FHAD1: variants seen among roughly 807,000 people sequenced by gnomAD.
The protein encoded by FHAD1 is forkhead associated phosphopeptide binding domain 1, also known as forkhead-associated domain-containing protein 1.
In FHAD1, 146 loss-of-function variants were observed where a neutral mutation model predicts 191.3. That is an observed-to-expected ratio of 0.76 (90% CI 0.67 to 0.88). The LOEUF (loss-of-function observed/expected upper bound fraction) is 0.88, where lower values mean the gene tolerates loss of function less well. Among genes scored for constraint, FHAD1 ranks in the 40% least tolerant of loss-of-function variants. FHAD1 has a pLI of 0.00. For synonymous variants in FHAD1, 616 were observed against 672.3 expected (o/e 0.92, Z 1.29); for missense variants, 1,635 against 1,785.8 (o/e 0.92, Z 1.52).
At chr1:15,299,912 C>T (rs1360563687) in intron 5 of FHAD1, among the ~76,000 whole-genome samples, 1 of 152,174 alleles carries the variant, frequency 6.6e-6, no homozygotes, top group African/African-American at 2.4e-5. Context: ...AATGACAGAC[C>T]CTGGTCAGCA....
chr1:15,333,149 A>G lies in FHAD1; in HGVS notation c.1906+3608A>G, dbSNP rs368635564. On this transcript the variant is annotated intron_variant, in intron 14 of 33. Coordinates refer to ENST00000688493, the MANE Select transcript of FHAD1 (RefSeq NM_001391957.1). Reference sequence around the variant, plus strand: ...AGGGCCCATCTTTTGTCCACTCAGCAGAAGAGGAAGTTGATGGTAAAAGGC... The same window carrying G: ...AGGGCCCATCTTTTGTCCACTCAGCGGAAGAGGAAGTTGATGGTAAAAGGC... Among the ~76,000 whole-genome samples the G allele has an allele frequency of 3.1e-4, 47 of 152,354 alleles. No individual in the cohort carries two copies. In the South Asian group the frequency reaches 9.3e-3, roughly 30 times the overall value.
chr1:15,292,881 GGAGTTC>G (rs1665377765), intron 4 of FHAD1, among the ~76,000 whole-genome samples: 2 of 152,114 alleles, frequency 1.3e-5, no homozygotes, highest in Non-Finnish European at 2.9e-5. Flanking sequence ...CTTGAAGATA[GGAGTTC>G]AAGACCAGCT....
At chr1:15,374,861 T>TG (rs1199318212) in intron 27 of FHAD1, among the ~76,000 whole-genome samples, 1 of 102,086 alleles carries the variant, frequency 9.8e-6, no homozygotes, top group Non-Finnish European at 1.9e-5. Context: ...TTTTTTTTTG[T>TG]TTGTTTTTTT....
chr1:15,353,732 GAAAAA>G (rs60543047), intron 20 of FHAD1, among the ~76,000 whole-genome samples: 1 of 116,710 alleles, frequency 8.6e-6, no homozygotes, highest in African/African-American at 3.2e-5. Flanking sequence ...AAAAAGAAAA[GAAAAA>G]AAAAAAAAGA....
rs947828558 is a variant in FHAD1, at chr1:15,329,688, A to C, written c.1906+147A>C. The C allele has an allele frequency of 1.7e-6, 1 of 599,864 alleles. No individual in the cohort carries two copies. Among genetic ancestry groups the C allele is most frequent in the Non-Finnish European group, 2.8e-6 (1 of 357,538 alleles). The allele number at this position is 599,864 out of a possible 1,614,324, so 37.2% of individuals were successfully genotyped here. ...CCAGAACCCCCTGCTTCTCTGCTTG[A>C]GGCGTAATTTTCCATTAAAAAAAAA... On this transcript the variant is annotated intron_variant, in intron 14 of 33. Coordinates refer to ENST00000688493, the MANE Select transcript of FHAD1 (RefSeq NM_001391957.1). This position sits in a 1 kb window ranked among gnomAD's most constrained non-coding sequence, Gnocchi z 5.0.
Position 15,327,032 on chromosome 1 carries a change from G to T in FHAD1, c.1474-27G>T. 1 of 1,503,372 alleles carries T rather than the reference G, an allele frequency of 6.7e-7. No individual in the cohort carries two copies. Among genetic ancestry groups the T allele is most frequent in the Non-Finnish European group, 9.1e-7 (1 of 1,103,656 alleles). 93.1% of individuals were successfully genotyped at this position (1,503,372 alleles called of 1,614,324 possible). A position where few individuals can be genotyped will look rare whatever the true frequency, so the allele number is the denominator to read the frequency against. On this transcript the variant is annotated intron_variant, in intron 11 of 33. Transcript: ENST00000688493. This position sits in a 1 kb window ranked among gnomAD's most constrained non-coding sequence, Gnocchi z 5.1. ...ACTTGCCGGCCCCTGCTGACCCCCTGACACTGTTGCCCCCTCTCTGCTGCA... is the reference window on the plus strand; with the variant it reads ...ACTTGCCGGCCCCTGCTGACCCCCTTACACTGTTGCCCCCTCTCTGCTGCA...
intron 1 of FHAD1, among the ~76,000 whole-genome samples, chr1:15,241,264 T>C (rs1414686358): frequency 9.2e-5 from 14 of 152,196 alleles, no homozygotes; most frequent in Admixed American, 9.2e-4. Context: ...ATGCTTGACT[T>C]TGGGAGATGA....
In FHAD1 at chr1:15,373,324, C is replaced by T. The variant is rs182469279; in HGVS notation, c.3448-1178C>T. 4.2e-3 allele frequency among the ~76,000 whole-genome samples: 607 copies of T among 143,814 alleles called. 9 individuals are homozygous for T. The highest frequency in any genetic ancestry group is 0.018 in the Middle Eastern group (5 of 280). 94.3% of individuals were successfully genotyped at this position (143,814 alleles called of 152,430 possible). On this transcript the variant is annotated intron_variant, in intron 26 of 33. Transcript: ENST00000688493. Reference sequence around the variant, plus strand: ...AGGAGTTCGAGACCAGCCTGGCCAACGTGGTGAAACCCCGTCTCTACCAAC... The same window carrying T: ...AGGAGTTCGAGACCAGCCTGGCCAATGTGGTGAAACCCCGTCTCTACCAAC...
In FHAD1 at chr1:15,358,273, A is replaced by G. The variant is rs1434027387; in HGVS notation, c.2726A>G (p.Lys909Arg). Reference sequence around the variant, plus strand: ...ACATTAGCCGAACTGGAAACTACCAAGACAAAAATGGTAAGTCGGTGCCTT... The same window carrying G: ...ACATTAGCCGAACTGGAAACTACCAGGACAAAAATGGTAAGTCGGTGCCTT... ...NETLAELETT[K>R]TKMIMVEERL... Residue 909 changes from lysine to arginine, a missense_variant, in exon 21 of 34, where the codon AAG becomes AGG. Coordinates refer to ENST00000688493, the MANE Select transcript of FHAD1 (RefSeq NM_001391957.1). The G allele has an allele frequency of 6.5e-7, 1 of 1,528,868 alleles. No individual in the cohort carries two copies. The highest frequency in any genetic ancestry group is 8.8e-7 in the Non-Finnish European group (1 of 1,141,998). 94.7% of individuals were successfully genotyped at this position (1,528,868 alleles called of 1,614,324 possible).
chr1:15,314,944 T>G (rs1574264928), intron 8 of FHAD1: 2 of 151,154 alleles, frequency 1.3e-5, no homozygotes, highest in Admixed American at 1.3e-4. Context: ...TGATGTTAGG[T>G]GGGAGAAATA....
chr1:15,371,596 A>G (rs1049051269), intron 26 of FHAD1, among the ~76,000 whole-genome samples: 10 of 152,174 alleles, frequency 6.6e-5, no homozygotes, highest in Non-Finnish European at 1.0e-4. Flanking sequence ...ACGGAGCCTT[A>G]ATGCATGGCT....
At chr1:15,339,177 C>G (rs1051928675) in intron 14 of FHAD1, among the ~76,000 whole-genome samples, 30 of 152,078 alleles carry the variant, frequency 2.0e-4, no homozygotes, top group African/African-American at 7.2e-4. Flanking sequence ...CCACCACACC[C>G]AGCTAGTTTT....
At chr1:15,293,643 G>T (rs992255437) in intron 4 of FHAD1, among the ~76,000 whole-genome samples, 1 of 152,096 alleles carries the variant, frequency 6.6e-6, no homozygotes, top group African/African-American at 2.4e-5. Context: ...GCTTGAACCC[G>T]GGAGGCAGAG....
rs114549562 is a variant in FHAD1, at chr1:15,392,530, C to G, written c.4323+1267C>G. ...CTGGGGACACAGCGAGACTCCGTCTCGAAAAAAAAAAAAGTTTCCTCCAGG... is the reference window on the plus strand; with the variant it reads ...CTGGGGACACAGCGAGACTCCGTCTGGAAAAAAAAAAAAGTTTCCTCCAGG... On this transcript the variant is annotated intron_variant, in intron 33 of 33. Transcript: ENST00000688493. 5.3e-3 allele frequency among the ~76,000 whole-genome samples: 793 copies of G among 149,296 alleles called. 5 individuals are homozygous for G. Among genetic ancestry groups the G allele is most frequent in the Non-Finnish European group, 7.6e-3 (516 of 67,556 alleles).
At chr1:15,300,813 C>A (rs939747965) in intron 5 of FHAD1, among the ~76,000 whole-genome samples, 1 of 152,098 alleles carries the variant, frequency 6.6e-6, no homozygotes, top group African/African-American at 2.4e-5. Context: ...CTTACTTTCC[C>A]AAAATAATTA....
chr1:15,257,977 G>C (rs1442960697), intron 2 of FHAD1, among the ~76,000 whole-genome samples: 1 of 152,150 alleles, frequency 6.6e-6, no homozygotes, highest in South Asian at 2.1e-4. Flanking sequence ...GAGTAGCTGG[G>C]ATTATGGGCA....
intron 6 of FHAD1, among the ~76,000 whole-genome samples, chr1:15,302,197 A>T (rs77350525): frequency 6.6e-6 from 1 of 152,060 alleles, no homozygotes; most frequent in Non-Finnish European, 1.5e-5. Flanking sequence ...ACCGCGTCTC[A>T]CCCAAATCCA....
chr1:15,296,381 G>T (rs1334387985), intron 4 of FHAD1, among the ~76,000 whole-genome samples: 1 of 151,614 alleles, frequency 6.6e-6, no homozygotes, highest in African/African-American at 2.4e-5. Flanking sequence ...AGCCTCCCGA[G>T]TAGCTGGGAC....
intron 18 of FHAD1, chr1:15,345,744 TA>T: frequency 1.7e-6 from 1 of 579,772 alleles, no homozygotes; most frequent in East Asian, 2.9e-5. Context: ...GTAAACAGTG[TA>T]AAACACAGTC....
Sources: allele counts gnomAD v4.1 joint callset (sites outside exome capture counted in the v4.1 genomes callset), GRCh38; gene constraint gnomAD v4.1.1; non-coding constraint Gnocchi (gnomAD v3.1); transcripts MANE v1.5; gene names NCBI Gene and HGNC (gene_info 2026-07-23, HGNC 2026-07-21).